Variants in SHPRH observed in about 807,000 individuals in gnomAD.
SHPRH encodes E3 ubiquitin-protein ligase SHPRH.
In SHPRH, 106 loss-of-function variants were observed where a neutral mutation model predicts 202.5. The observed-to-expected ratio is 0.52, with a 90% CI of 0.45 to 0.62. The LOEUF (loss-of-function observed/expected upper bound fraction) is 0.62, where lower values mean the gene tolerates loss of function less well. SHPRH is among the 20% of genes least tolerant of loss of function. The probability of loss-of-function intolerance (pLI) is 0.00; values close to 1 mark genes in which losing one functional copy is unlikely to be tolerated. For missense variants in SHPRH, 1,710 were observed against 2,020.0 expected, an observed-to-expected ratio of 0.85 and a Z score of 2.94; for synonymous variants, 729 against 686.0, an observed-to-expected ratio of 1.06 and a Z score of -0.98.
At chr6:145,901,151 A>ATCCAG (rs1782471237) in intron 25 of SHPRH, among the ~76,000 whole-genome samples, 2 of 152,174 alleles carry the variant, frequency 1.3e-5, no homozygotes, top group African/African-American at 4.8e-5. Context: ...GGATATACAA[A>ATCCAG]GATGAAAAAA....
At position 145,947,536 on chromosome 6, in the gene SHPRH, T is replaced by C. The variant is rs928661584; in HGVS notation, c.1169A>G (p.His390Arg). ...ATCTTGCTTGACATCTTGTCGAGTATGTGTCAGAATCAGAGCCAAAACCTC... is the reference window on the plus strand; with the variant it reads ...ATCTTGCTTGACATCTTGTCGAGTACGTGTCAGAATCAGAGCCAAAACCTC... Reference protein sequence around the residue: ...TVEVLALILTHTRQDVKQDAL... With the variant: ...TVEVLALILTRTRQDVKQDAL... Residue 390 changes from histidine to arginine, a missense_variant, in exon 6 of 30, where the codon CAT becomes CGT. Physicochemically the swap from His to Arg is conservative, Grantham distance 29 (BLOSUM62 0). Around this residue, in one of 8 missense-constraint regions of SHPRH, gnomAD observed 348 missense variants for 356.9 expected, o/e 0.97. Coordinates refer to ENST00000275233, the MANE Select transcript of SHPRH (RefSeq NM_001042683.3). The C allele has an allele frequency of 3.1e-6, 5 of 1,612,874 alleles. No homozygotes were observed. The African/African-American group carries it at 5.3e-5, about 17-fold the overall frequency.
At chr6:145,962,710 T>C (rs926170648) in intron 1 of SHPRH, among the ~76,000 whole-genome samples, 1 of 152,160 alleles carries the variant, frequency 6.6e-6, no homozygotes, top group Admixed American at 6.5e-5. Context: ...GTTTAGGCTA[T>C]TAAGGGCAAA....
Position 145,934,820 on chromosome 6 carries a change from T to C in SHPRH, c.2990+87A>G. 3.0e-6 allele frequency: 4 copies of C among 1,315,798 alleles called. No individual in the cohort carries two copies. In the South Asian group the frequency reaches 4.6e-5, roughly 15 times the overall value. The allele number at this position is 1,315,798 out of a possible 1,614,324, so 81.5% of individuals were successfully genotyped here. A position where few individuals can be genotyped will look rare whatever the true frequency, so the allele number is the denominator to read the frequency against. ...CCATTAAAGATAACTGACAACTCAGTTACATGTCTCTGAATGAAACCGTGG... is the reference window on the plus strand; with the variant it reads ...CCATTAAAGATAACTGACAACTCAGCTACATGTCTCTGAATGAAACCGTGG... On this transcript the variant is annotated intron_variant, in intron 13 of 29. Transcript: ENST00000275233.
chr6:145,896,938 A>T (rs1782061172), intron 25 of SHPRH, among the ~76,000 whole-genome samples: 1 of 151,990 alleles, frequency 6.6e-6, no homozygotes. Flanking sequence ...ACAACTACAT[A>T]AAAAAAGAGA....
At chr6:145,863,732 G>A (rs1779655894), downstream of SHPRH, among the ~76,000 whole-genome samples, 1 of 152,100 alleles carries the variant, frequency 6.6e-6, no homozygotes, top group Non-Finnish European at 1.5e-5. Flanking sequence ...GGCCAGTAAA[G>A]GTTTGTAATT....
At chr6:145,904,168 T>A (rs1463366814) in intron 25 of SHPRH, 1 of 152,080 alleles carries the variant, frequency 6.6e-6, no homozygotes, top group South Asian at 2.1e-4. Context: ...AAAAAAGCTA[T>A]ATGATTAAGC....
In SHPRH at chr6:145,893,078, ATAAT is replaced by A. The variant is rs1408286163; in HGVS notation, c.4874+133_4874+136del. The A allele has an allele frequency of 1.5e-5, 8 of 551,236 alleles. No homozygotes were observed. The South Asian group carries it at 6.8e-4, about 47-fold the overall frequency. 34.1% of individuals were successfully genotyped at this position (551,236 alleles called of 1,614,324 possible). On this transcript the variant is annotated intron_variant, in intron 28 of 29. Transcript: ENST00000275233. ...TATAAATAAATAAGTTATAAAATAAATAATTAAAAAATGTAGTATCTAAGGAAGT... is the reference window on the plus strand; with the variant it reads ...TATAAATAAATAAGTTATAAAATAAATAAAAAATGTAGTATCTAAGGAAGT...
At chr6:145,925,368 A>ACACACATG (rs909521842) in intron 16 of SHPRH, among the ~76,000 whole-genome samples, 2 of 151,250 alleles carry the variant, frequency 1.3e-5, no homozygotes, top group African/African-American at 4.9e-5. Flanking sequence ...ACACACACAC[A>ACACACATG]CATGCATGCA....
Position 145,927,252 on chromosome 6 carries a change from C to A in SHPRH, c.3138G>T (p.Leu1046Phe). ...CCGAGGAGCGCAACACTTCTCTGTACAATTCTGCTGCCAAGGCATACTCAC... is the reference window on the plus strand; with the variant it reads ...CCGAGGAGCGCAACACTTCTCTGTAAAATTCTGCTGCCAAGGCATACTCAC... ...IKGEYALAAE[L>F]YREVLRSSEE... The change falls in exon 15 of 30, where the codon TTG becomes TTT. Residue 1046 changes from leucine to phenylalanine, a missense_variant. Physicochemically the swap from Leu to Phe is conservative, Grantham distance 22 (BLOSUM62 0). Transcript: ENST00000275233. The A allele has an allele frequency of 6.2e-7, 1 of 1,611,948 alleles. No homozygotes were observed.
intron 25 of SHPRH, among the ~76,000 whole-genome samples, chr6:145,901,393 T>C (rs1245358282): frequency 1.3e-5 from 2 of 152,128 alleles, no homozygotes; most frequent in Non-Finnish European, 2.9e-5. Context: ...TCAATGTAGT[T>C]ACTGCTATAG....
At chr6:145,905,578 A>T (rs1469346608) in intron 25 of SHPRH, 2 of 152,106 alleles carry the variant, frequency 1.3e-5, no homozygotes, top group African/African-American at 4.8e-5. Context: ...GTATACTTTA[A>T]ATCATCTCTA....
At position 145,950,376 on chromosome 6, in the gene SHPRH, G is replaced by A. The variant is rs1485924332; in HGVS notation, c.870C>T (p.Ser290=). ...VKQTHQQETQ[S]IQVDVQHPAL... ...CAGGATGCTGGACATCCACTTGGAT[G>A]GACTGCGTTTCTTGCTGATGTGTTT... The change falls in exon 4 of 30, where the codon TCC becomes TCT. Residue 290 remains serine (S), a synonymous_variant. Transcript: ENST00000275233. The A allele has an allele frequency of 2.5e-6, 4 of 1,613,190 alleles. No individual in the cohort carries two copies. The African/African-American group carries it at 5.3e-5, about 22-fold the overall frequency.
intron 1 of SHPRH, among the ~76,000 whole-genome samples, chr6:145,959,632 C>T (rs527547343): frequency 6.6e-6 from 1 of 152,358 alleles, no homozygotes; most frequent in African/African-American, 2.4e-5. Context: ...TTCAGTCTCA[C>T]TAGCCCCATG....
chr6:145,889,795 T>C (rs1020154274), intron 28 of SHPRH, among the ~76,000 whole-genome samples: 1 of 152,148 alleles, frequency 6.6e-6, no homozygotes, highest in Non-Finnish European at 1.5e-5. Context: ...ACACCTGTCC[T>C]TGAAAAATGA....
At chr6:145,916,637 T>C (rs1783977957) in intron 23 of SHPRH, among the ~76,000 whole-genome samples, 1 of 152,130 alleles carries the variant, frequency 6.6e-6, no homozygotes. Flanking sequence ...AATATTTATA[T>C]CCTTAAAATT....
chr6:145,885,192 C>T lies in SHPRH; in HGVS notation c.*1499G>A, dbSNP rs1157964073. The T allele has an allele frequency of 2.6e-5, 4 of 152,144 alleles. No individual in the cohort carries two copies. Among genetic ancestry groups the T allele is most frequent in the Non-Finnish European group, 4.4e-5 (3 of 68,020 alleles). The allele number at this position is 152,144 out of a possible 1,614,324, so 9.4% of individuals were successfully genotyped here. On this transcript the variant is annotated 3_prime_UTR_variant, in exon 30 of 30. Coordinates refer to ENST00000275233, the MANE Select transcript of SHPRH (RefSeq NM_001042683.3). The stretch of plus-strand genomic sequence containing the variant: ...ACAGTAAAGATATTAATTATATCAA[C>T]TTCACAAGATTGTTGGGTAAATTAA...
At chr6:145,893,693 A>G (rs1781764090) in intron 27 of SHPRH, among the ~76,000 whole-genome samples, 1 of 152,166 alleles carries the variant, frequency 6.6e-6, no homozygotes, top group South Asian at 2.1e-4. Flanking sequence ...GAGAAAAAGA[A>G]TGTGCTAGAG....
chr6:145,935,561 G>A, intron 11 of SHPRH, 120 bp from the exon 12 acceptor site: 1 of 891,782 alleles, frequency 1.1e-6, no homozygotes, highest in Non-Finnish European at 1.7e-6. Context: ...AATACAGGCT[G>A]TATAGGCTCT....
chr6:145,913,010 T>A (rs1241840223), intron 24 of SHPRH, among the ~76,000 whole-genome samples: 1 of 152,134 alleles, frequency 6.6e-6, no homozygotes, highest in South Asian at 2.1e-4. Flanking sequence ...CAAAATCACA[T>A]CTAAATTTCC....
Sources: gnomAD v4.1 joint callset for allele counts (sites outside exome capture counted in the v4.1 genomes callset) on GRCh38, gnomAD v4.1.1 for gene constraint, gnomAD v4.1.1 regional missense constraint, MANE v1.5 for transcripts, NCBI Gene and HGNC (gene_info 2026-07-23, HGNC 2026-07-21) for gene names.